Variants in ICE2 observed in about 807,000 individuals in gnomAD.
The protein encoded by ICE2 is interactor of little elongation complex ELL subunit 2, also known as little elongation complex subunit 2.
Under a neutral mutation model 105.4 loss-of-function variants are expected in ICE2, and 87 were observed. That is an observed-to-expected ratio of 0.83 (90% CI 0.69 to 0.99). ICE2 has a LOEUF of 0.99. Ranked by LOEUF, ICE2 falls within the 50% of genes least tolerant of loss-of-function variation. The probability of loss-of-function intolerance (pLI) is 0.00; values close to 1 mark genes in which losing one functional copy is unlikely to be tolerated. For missense variants in ICE2, 1,323 were observed against 1,146.7 expected (o/e 1.15, Z -2.22); for synonymous variants, 399 against 392.0 (o/e 1.02, Z -0.21).
At chr15:60,433,811 A>C (rs2063518541) in intron 13 of ICE2, among the ~76,000 whole-genome samples, 1 of 152,104 alleles carries the variant, frequency 6.6e-6, no homozygotes, top group African/African-American at 2.4e-5. Context: ...TTTTAAAAAA[A>C]AAAAATGTTT....
At chr15:60,474,294 T>C (rs182853499) in intron 3 of ICE2, among the ~76,000 whole-genome samples, 1 of 152,096 alleles carries the variant, frequency 6.6e-6, no homozygotes, top group Non-Finnish European at 1.5e-5. Context: ...TTAATGCTTT[T>C]TAATGGCAAT....
chr15:60,455,673 G>A (rs1454021725), intron 6 of ICE2, among the ~76,000 whole-genome samples: 8 of 151,350 alleles, frequency 5.3e-5, no homozygotes, highest in South Asian at 2.1e-4. Flanking sequence ...GCTGAAGTGC[G>A]GTTGTATGAT....
At chr15:60,427,206 T>A (rs912357617) in intron 15 of ICE2, among the ~76,000 whole-genome samples, 3 of 152,178 alleles carry the variant, frequency 2.0e-5, no homozygotes, top group African/African-American at 7.2e-5. Flanking sequence ...CTGTTTCTCA[T>A]AAGGATTTGA....
chr15:60,475,568 T>C (rs2064737475), intron 3 of ICE2, among the ~76,000 whole-genome samples: 1 of 152,152 alleles, frequency 6.6e-6, no homozygotes, highest in South Asian at 2.1e-4. Context: ...ACCATTAAGA[T>C]TGAACTAAAT....
intron 13 of ICE2, among the ~76,000 whole-genome samples, chr15:60,432,640 C>G (rs1387221384): frequency 6.6e-6 from 1 of 151,746 alleles, no homozygotes; most frequent in Non-Finnish European, 1.5e-5. Flanking sequence ...CGCCTGTAAT[C>G]CCAGCACTCT....
intron 9 of ICE2, chr15:60,451,339 A>G (rs1005952035): frequency 1.1e-6 from 1 of 905,810 alleles, no homozygotes; most frequent in African/African-American, 1.8e-5. Flanking sequence ...ATGAACTATA[A>G]ATTAATATAC....
At chr15:60,470,341 G>C (rs527557305) in intron 3 of ICE2, among the ~76,000 whole-genome samples, 1 of 152,232 alleles carries the variant, frequency 6.6e-6, no homozygotes, top group East Asian at 1.9e-4. Flanking sequence ...CAGGGATTAA[G>C]GGAAAGAAAG....
chr15:60,477,124 A>C (rs2064783864), intron 2 of ICE2, among the ~76,000 whole-genome samples: 1 of 152,224 alleles, frequency 6.6e-6, no homozygotes, highest in African/African-American at 2.4e-5. Context: ...AAACTATATT[A>C]AGGTATTAAT....
At chr15:60,465,896 C>T (rs775731335) in intron 5 of ICE2, among the ~76,000 whole-genome samples, 13 of 151,700 alleles carry the variant, frequency 8.6e-5, no homozygotes, top group Non-Finnish European at 1.5e-4. Context: ...GGATTACAAG[C>T]GCCCACCACC....
intron 10 of ICE2, 132 bp from the exon 11 acceptor site, chr15:60,448,277 C>T: frequency 1.7e-6 from 1 of 598,160 alleles, no homozygotes; most frequent in Non-Finnish European, 2.8e-6. Flanking sequence ...CTAAGGGACC[C>T]TCACACTATT....
In ICE2 at chr15:60,442,496, C is replaced by T; in HGVS notation, c.2345G>A (p.Gly782Glu). 1 of 1,596,676 alleles carries T rather than the reference C, an allele frequency of 6.3e-7. No individual in the cohort carries two copies. The highest frequency in any genetic ancestry group is 8.5e-7 in the Non-Finnish European group (1 of 1,175,868). Residue 782 changes from glycine (G) to glutamate (E), a missense_variant, in exon 12 of 16, where the codon GGA becomes GAA. Coordinates refer to ENST00000261520, the MANE Select transcript of ICE2 (RefSeq NM_024611.6). ...LPKVEYQACY[G>E]VEALTESELC... ...TTCACTTTCAGTCAGAGCTTCAACT[C>T]CATAACAAGCTTGATACTCTACTTT...
At chr15:60,477,089 C>T (rs1393213454) in intron 2 of ICE2, among the ~76,000 whole-genome samples, 1 of 152,182 alleles carries the variant, frequency 6.6e-6, no homozygotes, top group African/African-American at 2.4e-5. Context: ...CCTTTTTAAA[C>T]TGTTCTTAAA....
chr15:60,478,891 G>A (rs182787432), intron 1 of ICE2, 112 bp downstream of exon 1: 5 of 448,358 alleles, frequency 1.1e-5, no homozygotes, highest in Admixed American at 2.4e-5. Context: ...AGGAGCAAAG[G>A]GTCCTGGCCC....
intron 3 of ICE2, among the ~76,000 whole-genome samples, chr15:60,474,468 C>T (rs903605165): frequency 6.6e-6 from 1 of 152,068 alleles, no homozygotes; most frequent in African/African-American, 2.4e-5. Context: ...ATACACCCAA[C>T]TATAGAATAC....
In ICE2 at chr15:60,479,070, A is replaced by C. The variant is rs1014595655; in HGVS notation, c.-160T>G. 2.2e-6 allele frequency: 1 copy of C among 451,476 alleles called. No homozygotes were observed. Among genetic ancestry groups the C allele is most frequent in the Non-Finnish European group, 4.5e-6 (1 of 223,824 alleles). The allele number at this position is 451,476 out of a possible 1,614,324, so 28.0% of individuals were successfully genotyped here. On this transcript the variant is annotated 5_prime_UTR_variant, in exon 1 of 16. An upstream open reading frame in the 5' UTR loses its in-frame stop. Transcript: ENST00000261520. ...CCACACACGCTCCACCCCACTCCTC[A>C]CATTGTCGCGCGCGCCCAAAAAAGA...
At chr15:60,441,245 G>A (rs1449387156) in intron 12 of ICE2, 1 of 152,168 alleles carries the variant, frequency 6.6e-6, no homozygotes, top group Non-Finnish European at 1.5e-5. Flanking sequence ...GAAGGAGGAG[G>A]AGGCAGGCAG....
intron 11 of ICE2, 142 bp downstream of exon 11, chr15:60,447,828 T>TAAAAACA (rs1392094272): frequency 1.1e-5 from 7 of 653,228 alleles, no homozygotes; most frequent in Non-Finnish European, 1.8e-5. Flanking sequence ...AGCATTTTAG[T>TAAAAACA]AAAAACAAAA....
intron 11 of ICE2, chr15:60,442,807 A>C: frequency 4.0e-6 from 1 of 249,704 alleles, no homozygotes; most frequent in Non-Finnish European, 7.5e-6. Flanking sequence ...ACCTCCCCAC[A>C]TAGGCAAGGT....
intron 3 of ICE2, 60 bp downstream of exon 3, chr15:60,476,003 T>C (rs1450306522): frequency 3.5e-6 from 4 of 1,147,078 alleles, no homozygotes; most frequent in Non-Finnish European, 3.7e-6. Context: ...CACATAAAAC[T>C]TCAACTATCA....
Sources: gnomAD v4.1 joint callset for allele counts (sites outside exome capture counted in the v4.1 genomes callset) on GRCh38, gnomAD v4.1.1 for gene constraint, MANE v1.5 for transcripts, NCBI Gene and HGNC (gene_info 2026-07-23, HGNC 2026-07-21) for gene names.